The following ZNF865 variants were observed in gnomAD, a reference collection of about 807,000 sequenced individuals.
ZNF865 encodes the protein zinc finger protein 865.
For synonymous variants in ZNF865, 763 were observed against 750.8 expected, an observed-to-expected ratio of 1.02 and a Z score of -0.27; for missense variants, 1,311 against 1,593.4, an observed-to-expected ratio of 0.82 and a Z score of 3.02.
At position 55,617,213 on chromosome 19, in the gene ZNF865, G is replaced by A. The variant is rs1391906714; in HGVS notation, c.*415G>A. ...TTTTTGGGGTGGGGGGGTGGGGGGC[G>A]GGGTGGCAGACGCGGCTTGTACAGA... On this transcript the variant is annotated 3_prime_UTR_variant, in exon 2 of 2. Coordinates refer to ENST00000568956, the MANE Select transcript of ZNF865 (RefSeq NM_001195605.2). The A allele has an allele frequency of 6.2e-6, 1 of 162,458 alleles. No individual in the cohort carries two copies. Among genetic ancestry groups the A allele is most frequent in the African/African-American group, 2.4e-5 (1 of 41,474 alleles). The allele number at this position is 162,458 out of a possible 1,614,324, so 10.1% of individuals were successfully genotyped here. A position where few individuals can be genotyped will look rare whatever the true frequency, so the allele number is the denominator to read the frequency against.
Position 55,615,274 on chromosome 19 carries a change from C to T in ZNF865, c.1656C>T (p.Cys552=), listed in dbSNP as rs145344288. ...GCGTCCCAGGAAAGACGTTCTGCTGCGGCATCTGCGGGCGCGGCTTCGGGC... is the reference window on the plus strand; with the variant it reads ...GCGTCCCAGGAAAGACGTTCTGCTGTGGCATCTGCGGGCGCGGCTTCGGGC... ...GASVPGKTFC[C]GICGRGFGRR... The change falls in exon 2 of 2, where the codon TGC becomes TGT. Residue 552 remains cysteine, a synonymous_variant. Transcript: ENST00000568956. 1,355 of 1,525,544 alleles carry T rather than the reference C, an allele frequency of 8.9e-4. 1 individual carries two copies. Among genetic ancestry groups the T allele is most frequent in the Non-Finnish European group, 9.5e-4 (1,082 of 1,143,138 alleles). 94.5% of individuals were successfully genotyped at this position (1,525,544 alleles called of 1,614,324 possible). A position where few individuals can be genotyped will look rare whatever the true frequency, so the allele number is the denominator to read the frequency against.
chr19:55,610,075 C>T (rs1352147583), intron 1 of ZNF865, among the ~76,000 whole-genome samples: 1 of 152,210 alleles, frequency 6.6e-6, no homozygotes, highest in Admixed American at 6.5e-5. Flanking sequence ...ATTTCTGCTA[C>T]ATGTCCCCCT....
At position 55,615,830 on chromosome 19, in the gene ZNF865, G is replaced by A. The variant is rs900299405; in HGVS notation, c.2212G>A (p.Asp738Asn). The A allele has an allele frequency of 2.2e-4, 330 of 1,507,758 alleles. No homozygotes were observed. The highest frequency in any genetic ancestry group is 8.5e-4 in the Middle Eastern group (5 of 5,860). 93.4% of individuals were successfully genotyped at this position (1,507,758 alleles called of 1,614,324 possible). Reference sequence around the variant, plus strand: ...CGCACCCGGCGGCCTGCAGCCCCCGGACGGCTCCAGCGGCACGGATGCGGC... The same window carrying A: ...CGCACCCGGCGGCCTGCAGCCCCCGAACGGCTCCAGCGGCACGGATGCGGC... ...PPAPGGLQPP[D>N]GSSGTDAASV... The change falls in exon 2 of 2, where the codon GAC (aspartate) becomes AAC (asparagine). Residue 738 changes from aspartate to asparagine, a missense_variant. Transcript: ENST00000568956.
chr19:55,613,944 C>A lies in ZNF865; in HGVS notation c.326C>A (p.Ser109Ter). Residue 109 changes from serine (S) to a stop codon, truncating the protein, a stop_gained, in exon 2 of 2, where the codon TCG (serine) becomes TAG (stop). Transcript: ENST00000568956. LOFTEE classifies it low-confidence loss of function (END_TRUNC). The part of the protein sequence containing the change: ...SSSSSSSSSS[S>*]SSSSSSSSQA... ...TCCTCCTCCTCTTCGTCCTCCTCGT[C>A]GTCATCTTCGTCCTCTTCCTCTTCC... The A allele has an allele frequency of 6.5e-7, 1 of 1,532,950 alleles. No homozygotes were observed. Among genetic ancestry groups the A allele is most frequent in the Non-Finnish European group, 8.7e-7 (1 of 1,145,106 alleles). 95.0% of individuals were successfully genotyped at this position (1,532,950 alleles called of 1,614,324 possible).
rs754336618 is a variant in ZNF865 at position 55,613,635 on chromosome 19, C to A, written c.17C>A (p.Ala6Glu). Reference protein sequence around the residue: MEANPAGSGAGGGGSS... With the variant: MEANPEGSGAGGGGSS... ...CCGCCGGAGATGGAGGCGAACCCAG[C>A]GGGCAGCGGCGCCGGGGGTGGCGGG... The change falls in exon 2 of 2, where the codon GCG becomes GAG. Residue 6 changes from alanine to glutamate, a missense_variant. Physicochemically the swap from Ala to Glu is moderately radical, Grantham distance 107. Coordinates refer to ENST00000568956, the MANE Select transcript of ZNF865 (RefSeq NM_001195605.2). 2.6e-6 allele frequency: 4 copies of A among 1,520,490 alleles called. No homozygotes were observed. The highest frequency in any genetic ancestry group is 1.8e-6 in the Non-Finnish European group (2 of 1,139,014). 94.2% of individuals were successfully genotyped at this position (1,520,490 alleles called of 1,614,324 possible). A position where few individuals can be genotyped will look rare whatever the true frequency, so the allele number is the denominator to read the frequency against.
rs1312563326 is a variant in ZNF865 at position 55,615,221 on chromosome 19, ACCAGCGGGGCGGGAGGCTCGGGCG to A, written c.1610_1633del (p.Gly537_Ser544del). ...CCCGCTGCTGCTCGGCGGCGCGGGG[ACCAGCGGGGCGGGAGGCTCGGGCG>A]CCAGCGTCCCAGGAAAGACGTTCTG... On this transcript the variant is annotated inframe_deletion, in exon 2 of 2. Coordinates refer to ENST00000568956, the MANE Select transcript of ZNF865 (RefSeq NM_001195605.2). The A allele has an allele frequency of 1.3e-5, 20 of 1,487,122 alleles. No individual in the cohort carries two copies. The highest frequency in any genetic ancestry group is 2.9e-5 in the African/African-American group (2 of 68,218). 92.1% of individuals were successfully genotyped at this position (1,487,122 alleles called of 1,614,324 possible).
At chr19:55,613,559 G>A (rs1380074143) in intron 1 of ZNF865, 34 bp from the exon 2 acceptor site, 4 of 1,448,656 alleles carry the variant, frequency 2.8e-6, no homozygotes, top group African/African-American at 2.9e-5. Flanking sequence ...CCAGCGCCGC[G>A]GCCGTGTCCT....
chr19:55,616,199 G>A lies in ZNF865; in HGVS notation c.2581G>A (p.Ala861Thr). Residue 861 changes from alanine (A) to threonine (T), a missense_variant, in exon 2 of 2, where the codon GCC becomes ACC. Transcript: ENST00000568956. The stretch of plus-strand genomic sequence containing the variant: ...GTGCGGGAAGCGCTTCTGGGAGGCG[G>A]CCCTGCTGATGCGCCACCAGCGCTG... ...PVCGKRFWEA[A>T]LLMRHQRCHT... is the part of the protein sequence containing the mutation. The A allele has an allele frequency of 6.6e-7, 1 of 1,522,894 alleles. No individual in the cohort carries two copies. Among genetic ancestry groups the A allele is most frequent in the Non-Finnish European group, 8.8e-7 (1 of 1,139,888 alleles). The allele number at this position is 1,522,894 out of a possible 1,614,324, so 94.3% of individuals were successfully genotyped here.
At position 55,616,855 on chromosome 19, in the gene ZNF865, A is replaced by G. The variant is rs375106634; in HGVS notation, c.*57A>G. On this transcript the variant is annotated 3_prime_UTR_variant, in exon 2 of 2. Coordinates refer to ENST00000568956, the MANE Select transcript of ZNF865 (RefSeq NM_001195605.2). ...GCCCCCTTCTGGACTCCCACCTCCCAGGACTGATCAGACTCTTCCCCCCTC... is the reference window on the plus strand; with the variant it reads ...GCCCCCTTCTGGACTCCCACCTCCCGGGACTGATCAGACTCTTCCCCCCTC... 1 of 1,405,922 alleles carries G rather than the reference A, an allele frequency of 7.1e-7. No individual in the cohort carries two copies. The highest frequency in any genetic ancestry group is 9.3e-7 in the Non-Finnish European group (1 of 1,080,634). The allele number at this position is 1,405,922 out of a possible 1,614,324, so 87.1% of individuals were successfully genotyped here. A position where few individuals can be genotyped will look rare whatever the true frequency, so the allele number is the denominator to read the frequency against.
In ZNF865 at chr19:55,616,883, C is replaced by G; in HGVS notation, c.*85C>G. 7.5e-7 allele frequency: 1 copy of G among 1,339,842 alleles called. No homozygotes were observed. The highest frequency in any genetic ancestry group is 9.7e-7 in the Non-Finnish European group (1 of 1,030,650). 83.0% of individuals were successfully genotyped at this position (1,339,842 alleles called of 1,614,324 possible). On this transcript the variant is annotated 3_prime_UTR_variant, in exon 2 of 2. Coordinates refer to ENST00000568956, the MANE Select transcript of ZNF865 (RefSeq NM_001195605.2). ...ACTGATCAGACTCTTCCCCCCTCCT[C>G]GCTGTTGCCCCATCCTTCAGAACTT...
In ZNF865 at chr19:55,615,380, C is replaced by T; in HGVS notation, c.1762C>T (p.Arg588Cys). 6.7e-7 allele frequency: 1 copy of T among 1,500,226 alleles called. No homozygotes were observed. The highest frequency in any genetic ancestry group is 8.8e-7 in the Non-Finnish European group (1 of 1,130,500). The allele number at this position is 1,500,226 out of a possible 1,614,324, so 92.9% of individuals were successfully genotyped here. The stretch of plus-strand genomic sequence containing the variant: ...GTGCCCCGTGTGTGGGAAGCGCTTC[C>T]GCGAATCCTTCCACTTGAGCAAGCA... Reference protein sequence around the residue: ...HQCPVCGKRFRESFHLSKHHV... With the variant: ...HQCPVCGKRFCESFHLSKHHV... The change falls in exon 2 of 2, where the codon CGC becomes TGC. Residue 588 changes from arginine to cysteine, a missense_variant. Physicochemically the swap from Arg to Cys is radical, Grantham distance 180. Transcript: ENST00000568956.
intron 1 of ZNF865, chr19:55,612,876 T>C (rs1600011643): frequency 6.6e-6 from 1 of 152,240 alleles, no homozygotes; most frequent in African/African-American, 2.4e-5. Flanking sequence ...CATTTGATTC[T>C]GGCCCCAGAG....
At position 55,615,879 on chromosome 19, in the gene ZNF865, C is replaced by A; in HGVS notation, c.2261C>A (p.Ala754Glu). 6.8e-7 allele frequency: 1 copy of A among 1,476,842 alleles called. No individual in the cohort carries two copies. The highest frequency in any genetic ancestry group is 1.3e-5 in the South Asian group (1 of 75,336). 91.5% of individuals were successfully genotyped at this position (1,476,842 alleles called of 1,614,324 possible). The change falls in exon 2 of 2, where the codon GCG becomes GAG. Residue 754 changes from alanine to glutamate, a missense_variant. By Grantham distance (107) the Ala-to-Glu change is moderately radical. Coordinates refer to ENST00000568956, the MANE Select transcript of ZNF865 (RefSeq NM_001195605.2). ...GCCAGCGTGCTGGACAACGGGCTGG[C>A]GGGGGAGGTGGGGGCGGCCGTGGCG... Reference protein sequence around the residue: ...DAASVLDNGLAGEVGAAVAAL... With the variant: ...DAASVLDNGLEGEVGAAVAAL...
Position 55,614,023 on chromosome 19 carries a change from T to C in ZNF865, c.405T>C (p.Pro135=). The change falls in exon 2 of 2, where the codon CCT becomes CCC. Residue 135 remains proline, a synonymous_variant. Coordinates refer to ENST00000568956, the MANE Select transcript of ZNF865 (RefSeq NM_001195605.2). This position sits in a 1 kb window ranked among gnomAD's most constrained non-coding sequence, Gnocchi z 8.0. ...PLPPAFGAPP[P]PLFDAAFPTP... is the part of the protein sequence containing the mutation. ...CGCCCGCCTTCGGGGCGCCCCCTCC[T>C]CCCCTCTTTGACGCTGCTTTCCCCA... The C allele has an allele frequency of 6.7e-7, 1 of 1,497,342 alleles. No homozygotes were observed. The highest frequency in any genetic ancestry group is 2.5e-5 in the East Asian group (1 of 40,028). The allele number at this position is 1,497,342 out of a possible 1,614,324, so 92.8% of individuals were successfully genotyped here. A position where few individuals can be genotyped will look rare whatever the true frequency, so the allele number is the denominator to read the frequency against.
rs1429768742 is a variant in ZNF865, at chr19:55,613,653, G to A, written c.35G>A (p.Gly12Asp). Residue 12 changes from glycine (G) to aspartate (D), a missense_variant, in exon 2 of 2, where the codon GGT (glycine) becomes GAT (aspartate). Coordinates refer to ENST00000568956, the MANE Select transcript of ZNF865 (RefSeq NM_001195605.2). ...EANPAGSGAG[G>D]GGSSGIGGED... ...AACCCAGCGGGCAGCGGCGCCGGGG[G>A]TGGCGGGAGCAGCGGCATCGGGGGC... 5.2e-6 allele frequency: 8 copies of A among 1,527,274 alleles called. No individual in the cohort carries two copies. In the Admixed American group the frequency reaches 8.1e-5, roughly 15 times the overall value. 94.6% of individuals were successfully genotyped at this position (1,527,274 alleles called of 1,614,324 possible). A position where few individuals can be genotyped will look rare whatever the true frequency, so the allele number is the denominator to read the frequency against.
intron 1 of ZNF865, among the ~76,000 whole-genome samples, chr19:55,606,596 G>A (rs972758930): frequency 2.0e-5 from 3 of 152,160 alleles, no homozygotes; most frequent in Non-Finnish European, 4.4e-5. Flanking sequence ...TTCCTATGGC[G>A]TGAACAACTG....
chr19:55,614,341 G>T lies in ZNF865; in HGVS notation c.723G>T (p.Gln241His). The T allele has an allele frequency of 6.7e-7, 1 of 1,492,904 alleles. No individual in the cohort carries two copies. Among genetic ancestry groups the T allele is most frequent in the Non-Finnish European group, 8.9e-7 (1 of 1,126,128 alleles). 92.5% of individuals were successfully genotyped at this position (1,492,904 alleles called of 1,614,324 possible). A position where few individuals can be genotyped will look rare whatever the true frequency, so the allele number is the denominator to read the frequency against. ...TCAAGCAGTCCTCGCACCTGGTCCA[G>T]CACATGCTGGTGCACTCGGGGGAGA... Reference protein sequence around the residue: ...KSFKQSSHLVQHMLVHSGERP... With the variant: ...KSFKQSSHLVHHMLVHSGERP... Residue 241 changes from glutamine to histidine, a missense_variant, in exon 2 of 2, where the codon CAG becomes CAT. Gln to His is a conservative substitution (Grantham distance 24, BLOSUM62 0). Transcript: ENST00000568956. This position sits in a 1 kb window ranked among gnomAD's most constrained non-coding sequence, Gnocchi z 8.0.
Position 55,617,067 on chromosome 19 carries a change from C to T in ZNF865, c.*269C>T. 5.2e-6 allele frequency: 2 copies of T among 382,328 alleles called. No homozygotes were observed. Among genetic ancestry groups the T allele is most frequent in the Non-Finnish European group, 9.3e-6 (2 of 215,392 alleles). 23.7% of individuals were successfully genotyped at this position (382,328 alleles called of 1,614,324 possible). On this transcript the variant is annotated 3_prime_UTR_variant, in exon 2 of 2. Transcript: ENST00000568956. ...CCCGCATCAGCCCCCGCCCCAGCAG[C>T]ACTCTGCCCCCAGTAAGTTTTGGCG...
At chr19:55,607,024 G>A (rs960795822) in intron 1 of ZNF865, among the ~76,000 whole-genome samples, 1 of 152,206 alleles carries the variant, frequency 6.6e-6, no homozygotes, top group Non-Finnish European at 1.5e-5. Context: ...AGGGGAGGCC[G>A]GTGAGGGTGG....
Sources: allele counts gnomAD v4.1 joint callset (sites outside exome capture counted in the v4.1 genomes callset), GRCh38; gene constraint gnomAD v4.1.1; non-coding constraint Gnocchi (gnomAD v3.1); transcripts MANE v1.5; gene names NCBI Gene and HGNC (gene_info 2026-07-23, HGNC 2026-07-21).